Variants in CNTNAP2 observed in about 807,000 individuals in gnomAD.
CNTNAP2 encodes the protein contactin-associated protein-like 2.
CNTNAP2 carries 98 observed loss-of-function variants against 155.2 expected under a neutral mutation model. The ratio of observed to expected loss-of-function variants is 0.63; its 90% confidence interval spans 0.54 to 0.75. The LOEUF is 0.75. CNTNAP2 is among the 30% of genes least tolerant of loss of function. CNTNAP2 has a pLI of 0.00. For synonymous variants in CNTNAP2, 651 were observed against 631.2 expected, an observed-to-expected ratio of 1.03 and a Z score of -0.47; for missense variants, 1,727 against 1,688.1, an observed-to-expected ratio of 1.02 and a Z score of -0.40.
chr7:147,302,503 G>A (rs1462158318), intron 9 of CNTNAP2, among the ~76,000 whole-genome samples: 1 of 152,200 alleles, frequency 6.6e-6, no homozygotes, highest in Non-Finnish European at 1.5e-5. Context: ...GTCAGCTAAT[G>A]ATCACGATGC....
rs574575401 is a variant in CNTNAP2 at position 147,598,986 on chromosome 7, C to T, written c.1897+36729C>T. On this transcript the variant is annotated intron_variant, in intron 12 of 23. Transcript: ENST00000361727. ...GCTGAACTGTGAGTCAGTTAAACCT[C>T]TTTCCTTATAAATTACCCAGACTCA... Among the ~76,000 whole-genome samples the T allele has an allele frequency of 4.9e-4, 74 of 152,244 alleles. 1 individual carries two copies. In the South Asian group the frequency reaches 0.015, roughly 30 times the overall value.
chr7:147,610,656 G>C (rs1337230145), intron 12 of CNTNAP2, among the ~76,000 whole-genome samples: 1 of 152,080 alleles, frequency 6.6e-6, no homozygotes, highest in East Asian at 1.9e-4. Context: ...GCTAGCCCAG[G>C]GGAGTTTTAG....
chr7:146,972,955 A>T (rs1200477830), intron 3 of CNTNAP2, among the ~76,000 whole-genome samples: 1 of 152,198 alleles, frequency 6.6e-6, no homozygotes, highest in African/African-American at 2.4e-5. Context: ...AACTGGTCAC[A>T]TGTGGCTATT....
At chr7:146,914,465 T>G (rs1268080614) in intron 3 of CNTNAP2, among the ~76,000 whole-genome samples, 1 of 151,978 alleles carries the variant, frequency 6.6e-6, no homozygotes, top group East Asian at 1.9e-4. Context: ...CTATTATTTT[T>G]TTTTAATTTT....
intron 5 of CNTNAP2, among the ~76,000 whole-genome samples, chr7:147,112,021 T>G (rs1048959030): frequency 6.6e-6 from 1 of 152,194 alleles, no homozygotes; most frequent in Non-Finnish European, 1.5e-5. Flanking sequence ...GGAATGTTTT[T>G]CCATTTATTT....
intron 8 of CNTNAP2, among the ~76,000 whole-genome samples, chr7:147,156,749 A>G (rs1000989870): frequency 1.3e-5 from 2 of 152,140 alleles, no homozygotes; most frequent in Admixed American, 1.3e-4. Context: ...CTTCCCCAAC[A>G]TTGAGCTTTA....
chr7:147,404,067 A>G lies in CNTNAP2; in HGVS notation c.1670+8287A>G, dbSNP rs147381688. On this transcript the variant is annotated intron_variant, in intron 10 of 23. Transcript: ENST00000361727. ...TTTGGGAAATATTTTGTCTTTTACC[A>G]TTAGGTGCTTATTTCATTACGCATA... Among the ~76,000 whole-genome samples the G allele has an allele frequency of 2.2e-3, 331 of 152,288 alleles. 12 individuals carry two copies. In the East Asian group the frequency reaches 0.056, roughly 26 times the overall value.
intron 1 of CNTNAP2, among the ~76,000 whole-genome samples, chr7:146,668,436 GT>G (rs1205207161): frequency 1.1e-5 from 1 of 90,570 alleles, no homozygotes; most frequent in Non-Finnish European, 2.9e-5. Context: ...TCCTGTGTGT[GT>G]GTGTGTGTGT....
intron 1 of CNTNAP2, among the ~76,000 whole-genome samples, chr7:146,708,976 A>G (rs565961522): frequency 1.8e-4 from 27 of 152,272 alleles, no homozygotes; most frequent in African/African-American, 6.3e-4. Flanking sequence ...GAAGGTGCCA[A>G]GATCACTATG....
intron 1 of CNTNAP2, among the ~76,000 whole-genome samples, chr7:146,570,406 G>A (rs1435382333): frequency 6.6e-6 from 1 of 151,962 alleles, no homozygotes; most frequent in African/African-American, 2.4e-5. Context: ...TGCTTAATCT[G>A]GTATCAAATA....
intron 13 of CNTNAP2, 114 bp downstream of exon 13, chr7:147,639,420 G>A (rs949099372): frequency 6.2e-6 from 6 of 961,606 alleles, no homozygotes; most frequent in Non-Finnish European, 9.7e-6. Context: ...TCAGTAGGAA[G>A]GAAGCTGTAA....
chr7:147,611,684 A>G (rs886749205), intron 12 of CNTNAP2, among the ~76,000 whole-genome samples: 3 of 152,176 alleles, frequency 2.0e-5, no homozygotes, highest in African/African-American at 4.8e-5. Context: ...CACCTGCAGA[A>G]CATAATCTGC....
At chr7:147,266,231 C>A (rs1173592276) in intron 8 of CNTNAP2, among the ~76,000 whole-genome samples, 2 of 152,082 alleles carry the variant, frequency 1.3e-5, no homozygotes, top group African/African-American at 2.4e-5. Context: ...AAGCTAAGGA[C>A]CACGATAAAA....
chr7:147,589,995 G>T (rs1416173875), intron 12 of CNTNAP2, among the ~76,000 whole-genome samples: 1 of 152,078 alleles, frequency 6.6e-6, no homozygotes, highest in African/African-American at 2.4e-5. Flanking sequence ...GGCCTCATAT[G>T]GTTTCTTTGG....
In CNTNAP2 at chr7:146,770,902, T is replaced by G. The variant is rs75872932; in HGVS notation, c.98-3369T>G. ...ATATCTATCCATTGGATATTCACTCTTAGAAAATGTGTCATGCATTATTAT... is the reference window on the plus strand; with the variant it reads ...ATATCTATCCATTGGATATTCACTCGTAGAAAATGTGTCATGCATTATTAT... On this transcript the variant is annotated intron_variant, in intron 1 of 23. Coordinates refer to ENST00000361727, the MANE Select transcript of CNTNAP2 (RefSeq NM_014141.6). 5.5e-4 allele frequency among the ~76,000 whole-genome samples: 84 copies of G among 152,300 alleles called. 2 individuals are homozygous for G. The East Asian group carries it at 0.015, about 27-fold the overall frequency.
intron 14 of CNTNAP2, among the ~76,000 whole-genome samples, chr7:147,968,678 C>A (rs1292111070): frequency 6.6e-6 from 1 of 152,126 alleles, no homozygotes; most frequent in East Asian, 1.9e-4. Context: ...GCAAACTCAG[C>A]CCATGGGTTT....
At chr7:146,694,408 G>T (rs1416959857) in intron 1 of CNTNAP2, among the ~76,000 whole-genome samples, 1 of 152,116 alleles carries the variant, frequency 6.6e-6, no homozygotes, top group Non-Finnish European at 1.5e-5. Flanking sequence ...AAGAACTATT[G>T]ATTATATTTG....
At chr7:147,225,191 G>T (rs995047284) in intron 8 of CNTNAP2, among the ~76,000 whole-genome samples, 5 of 152,094 alleles carry the variant, frequency 3.3e-5, no homozygotes, top group East Asian at 1.9e-4. Context: ...GCACCATATT[G>T]CTCACTATAA....
intron 9 of CNTNAP2, among the ~76,000 whole-genome samples, chr7:147,352,901 A>G (rs977810291): frequency 6.6e-6 from 1 of 151,918 alleles, no homozygotes; most frequent in African/African-American, 2.4e-5. Flanking sequence ...ATATTAGTTT[A>G]TGAATCTGAT....
Sources: allele counts gnomAD v4.1 joint callset (sites outside exome capture counted in the v4.1 genomes callset), GRCh38; gene constraint gnomAD v4.1.1; transcripts MANE v1.5; gene names NCBI Gene and HGNC (gene_info 2026-07-23, HGNC 2026-07-21).